The following MVB12B variants were observed in gnomAD, a reference collection of about 807,000 sequenced individuals.
MVB12B encodes the protein multivesicular body subunit 12B.
In MVB12B, 16 loss-of-function variants were observed where a neutral mutation model predicts 41.6. That is an observed-to-expected ratio of 0.38 (90% CI 0.26 to 0.58). The LOEUF (loss-of-function observed/expected upper bound fraction) is 0.58. MVB12B is among the 20% of genes least tolerant of loss of function. MVB12B has a pLI of 0.62. For missense variants in MVB12B, 274 were observed against 380.2 expected, an observed-to-expected ratio of 0.72 and a Z score of 2.32; for synonymous variants, 133 against 139.7, an observed-to-expected ratio of 0.95 and a Z score of 0.34.
intron 7 of MVB12B, among the ~76,000 whole-genome samples, chr9:126,442,490 A>G (rs1295507080): frequency 6.6e-6 from 1 of 152,240 alleles, no homozygotes; most frequent in African/African-American, 2.4e-5. Context: ...TTATCATGCC[A>G]GTAACAAACA....
chr9:126,391,951 G>T lies in MVB12B; in HGVS notation c.410-115G>T. 8.1e-7 allele frequency: 1 copy of T among 1,238,380 alleles called. No individual in the cohort carries two copies. 76.7% of individuals were successfully genotyped at this position (1,238,380 alleles called of 1,614,324 possible). On this transcript the variant is annotated intron_variant, in intron 4 of 9. Transcript: ENST00000361171. This position sits in a 1 kb window ranked among gnomAD's most constrained non-coding sequence, Gnocchi z 4.4. ...CGCAGCCCTTCTGTCCAGCAGCTTA[G>T]GTGACCTGCCACTTCTGCTGCCAGG...
chr9:126,390,558 A>G (rs1271604738), intron 4 of MVB12B, among the ~76,000 whole-genome samples: 2 of 152,250 alleles, frequency 1.3e-5, no homozygotes, highest in Non-Finnish European at 2.9e-5. Flanking sequence ...AAGTAAGAGA[A>G]AAGAATCACG....
chr9:126,416,600 G>A (rs565427657), intron 6 of MVB12B, among the ~76,000 whole-genome samples: 1 of 152,144 alleles, frequency 6.6e-6, no homozygotes, highest in South Asian at 2.1e-4. Context: ...TTATATACCC[G>A]ATAGTGAAGC....
chr9:126,362,835 A>C (rs1830062224), intron 2 of MVB12B, among the ~76,000 whole-genome samples: 1 of 152,086 alleles, frequency 6.6e-6, no homozygotes, highest in Non-Finnish European at 1.5e-5. Flanking sequence ...TGTTTCCCCC[A>C]CCTCATTTTA....
intron 6 of MVB12B, chr9:126,397,579 C>T: frequency 2.0e-6 from 2 of 985,156 alleles, no homozygotes; most frequent in Non-Finnish European, 1.2e-6. Context: ...AGCCAATATG[C>T]AACAGGATAA....
intron 2 of MVB12B, among the ~76,000 whole-genome samples, chr9:126,361,127 C>A (rs1035814512): frequency 2.6e-5 from 4 of 152,112 alleles, no homozygotes; most frequent in African/African-American, 9.7e-5. Flanking sequence ...TTTTTCCCAT[C>A]TGTTGTTTTT....
chr9:126,369,805 C>A (rs1346072279), intron 2 of MVB12B, among the ~76,000 whole-genome samples: 8 of 152,142 alleles, frequency 5.3e-5, no homozygotes, highest in Non-Finnish European at 8.8e-5. Context: ...AGGCATGTGC[C>A]ACCACACCCA....
chr9:126,345,151 C>T (rs1405685564), intron 2 of MVB12B, among the ~76,000 whole-genome samples: 2 of 152,198 alleles, frequency 1.3e-5, no homozygotes, highest in Non-Finnish European at 2.9e-5. Context: ...TGGTGGGGGT[C>T]CAGGTCCATG....
intron 7 of MVB12B, among the ~76,000 whole-genome samples, chr9:126,461,743 G>A (rs1833094915): frequency 6.6e-6 from 1 of 152,140 alleles, no homozygotes; most frequent in African/African-American, 2.4e-5. Flanking sequence ...AGGCGTGGAG[G>A]TGGGAGCCTG....
intron 7 of MVB12B, among the ~76,000 whole-genome samples, chr9:126,458,736 T>A (rs2119172682): frequency 6.6e-6 from 1 of 152,272 alleles, no homozygotes; most frequent in African/African-American, 2.4e-5. Flanking sequence ...CCAGAGTCCC[T>A]TGAAAAAATT....
chr9:126,441,501 G>T (rs1262321922), intron 7 of MVB12B, among the ~76,000 whole-genome samples: 1 of 152,210 alleles, frequency 6.6e-6, no homozygotes, highest in Non-Finnish European at 1.5e-5. Flanking sequence ...GATAAAAATG[G>T]ATTTACCTTT....
At position 126,482,249 on chromosome 9, in the gene MVB12B, T is replaced by C. The variant is rs548382838; in HGVS notation, c.813+825T>C. 2.6e-5 allele frequency among the ~76,000 whole-genome samples: 4 copies of C among 152,388 alleles called. No individual in the cohort carries two copies. The South Asian group carries it at 8.3e-4, about 32-fold the overall frequency. On this transcript the variant is annotated intron_variant, in intron 8 of 9. Transcript: ENST00000361171. Reference sequence around the variant, plus strand: ...GGCTCAGCAAACCCGTTTCTGGTTTTGATCCTTTCTGCAGAAGTTGGCCTT... The same window carrying C: ...GGCTCAGCAAACCCGTTTCTGGTTTCGATCCTTTCTGCAGAAGTTGGCCTT...
Position 126,372,660 on chromosome 9 carries a change from G to A in MVB12B, c.205-8404G>A, listed in dbSNP as rs193228763. On this transcript the variant is annotated intron_variant, in intron 2 of 9. Transcript: ENST00000361171. The stretch of plus-strand genomic sequence containing the variant: ...TAATCCTTACAAATAATCCTATGAG[G>A]TAGGTATTATTTCTATTGTCATTTT... Among the ~76,000 whole-genome samples, 37 of 152,288 alleles carry A rather than the reference G, an allele frequency of 2.4e-4. No homozygotes were observed. In the East Asian group the frequency reaches 6.7e-3, roughly 28 times the overall value.
At chr9:126,330,993 T>C (rs960022961) in intron 1 of MVB12B, among the ~76,000 whole-genome samples, 2 of 152,208 alleles carry the variant, frequency 1.3e-5, no homozygotes, top group African/African-American at 2.4e-5. Flanking sequence ...GGACCATATT[T>C]TGTTCATTCA....
intron 6 of MVB12B, among the ~76,000 whole-genome samples, chr9:126,398,277 G>A (rs531433171): frequency 1.3e-5 from 2 of 151,828 alleles, no homozygotes; most frequent in South Asian, 4.2e-4. Flanking sequence ...GCTCCCCAGC[G>A]CCTACCTGAA....
At chr9:126,332,455 C>T (rs1373074166) in intron 1 of MVB12B, among the ~76,000 whole-genome samples, 3 of 152,322 alleles carry the variant, frequency 2.0e-5, no homozygotes, top group East Asian at 1.9e-4. Context: ...TTCCTGCAGC[C>T]AGCCTGGGCA....
chr9:126,476,662 G>A (rs1201378442), intron 7 of MVB12B, among the ~76,000 whole-genome samples: 2 of 152,028 alleles, frequency 1.3e-5, no homozygotes, highest in Non-Finnish European at 2.9e-5. Context: ...GGATCACAAG[G>A]TCAGGAGATC....
intron 9 of MVB12B, among the ~76,000 whole-genome samples, chr9:126,489,735 C>T (rs1322760202): frequency 6.6e-6 from 1 of 152,232 alleles, no homozygotes; most frequent in African/African-American, 2.4e-5. Flanking sequence ...CTCCTGCCAC[C>T]TCCGTCACCT....
chr9:126,362,009 A>G (rs1326739906), intron 2 of MVB12B, among the ~76,000 whole-genome samples: 2 of 151,036 alleles, frequency 1.3e-5, no homozygotes, highest in African/African-American at 4.9e-5. Context: ...GTTTCTCTGT[A>G]CATAGAGGGT....
Sources: gnomAD v4.1 joint callset for allele counts (sites outside exome capture counted in the v4.1 genomes callset) on GRCh38, gnomAD v4.1.1 for gene constraint, Gnocchi (gnomAD v3.1) non-coding constraint, MANE v1.5 for transcripts, NCBI Gene and HGNC (gene_info 2026-07-23, HGNC 2026-07-21) for gene names.